The following UTRN variants were observed in gnomAD, a reference collection of about 807,000 sequenced individuals.
UTRN encodes the protein utrophin, also known as dystrophin-related protein 1.
A neutral mutation model predicts 463.9 loss-of-function variants in UTRN; 283 were observed. The observed-to-expected ratio is 0.61, with a 90% CI of 0.55 to 0.67. The LOEUF (loss-of-function observed/expected upper bound fraction) is 0.67, where lower values mean the gene tolerates loss of function less well. Ranked by LOEUF, UTRN falls within the 30% of genes least tolerant of loss-of-function variation. UTRN has a pLI of 0.00. For missense variants in UTRN, 3,922 were observed against 4,084.3 expected, an observed-to-expected ratio of 0.96 and a Z score of 1.08; for synonymous variants, 1,442 against 1,431.5, an observed-to-expected ratio of 1.01 and a Z score of -0.17.
intron 2 of UTRN, among the ~76,000 whole-genome samples, chr6:144,376,067 G>A (rs1298896039): frequency 6.6e-6 from 1 of 152,094 alleles, no homozygotes; most frequent in Non-Finnish European, 1.5e-5. Context: ...GCTTCCTGCA[G>A]TCTTGAACTC....
chr6:144,490,040 A>G, intron 30 of UTRN, 31 bp from the exon 31 acceptor site: 1 of 1,589,144 alleles, frequency 6.3e-7, no homozygotes, highest in Non-Finnish European at 8.5e-7. Flanking sequence ...AAAAAAAAGG[A>G]CATCCTCTCC....
intron 50 of UTRN, among the ~76,000 whole-genome samples, chr6:144,568,873 GC>G (rs1442405834): frequency 4.6e-5 from 7 of 152,212 alleles, no homozygotes; most frequent in African/African-American, 1.7e-4. Context: ...TTTACCCCAA[GC>G]CATACAGCTA....
intron 50 of UTRN, among the ~76,000 whole-genome samples, chr6:144,562,839 A>G (rs145458293): frequency 1.7e-3 from 265 of 152,154 alleles, no homozygotes; most frequent in African/African-American, 5.9e-3. Flanking sequence ...AAGCCTTCCT[A>G]TTTCTCCACA....
At chr6:144,301,860 C>T (rs995455832) in intron 2 of UTRN, among the ~76,000 whole-genome samples, 4 of 152,000 alleles carry the variant, frequency 2.6e-5, no homozygotes, top group Non-Finnish European at 4.4e-5. Flanking sequence ...ACAGCACTGC[C>T]CCACCCTCCC....
chr6:144,381,773 A>C lies in UTRN; in HGVS notation c.80-21350A>C, dbSNP rs150587389. ...CCATGATTGTGAGGCTTCCCCAGCC[A>C]CATGGAACTGTAAGTCCATTAAATC... On this transcript the variant is annotated intron_variant, in intron 2 of 74. Transcript: ENST00000367545. Among the ~76,000 whole-genome samples, 459 of 152,378 alleles carry C rather than the reference A, an allele frequency of 3.0e-3. 2 individuals carry two copies. Among genetic ancestry groups the C allele is most frequent in the African/African-American group, 0.011 (448 of 41,594 alleles).
chr6:144,488,947 T>G, intron 30 of UTRN, 113 bp downstream of exon 30: 1 of 1,059,622 alleles, frequency 9.4e-7, no homozygotes, highest in Non-Finnish European at 1.3e-6. Flanking sequence ...ATGGGAAAGA[T>G]TGACCTTACT....
chr6:144,627,389 T>C (rs1168037317), intron 51 of UTRN, among the ~76,000 whole-genome samples: 1 of 152,240 alleles, frequency 6.6e-6, no homozygotes, highest in Non-Finnish European at 1.5e-5. Flanking sequence ...ATAACCCTTA[T>C]CTTTCTGTCT....
intron 2 of UTRN, among the ~76,000 whole-genome samples, chr6:144,377,820 G>C (rs1027327538): frequency 6.6e-6 from 1 of 152,090 alleles, no homozygotes; most frequent in African/African-American, 2.4e-5. Flanking sequence ...GTATTTCTTG[G>C]TTCTTCCATC....
chr6:144,776,304 A>G (rs1303851634), intron 60 of UTRN, among the ~76,000 whole-genome samples: 1 of 152,196 alleles, frequency 6.6e-6, no homozygotes, highest in Non-Finnish European at 1.5e-5. Flanking sequence ...TGCCTGTAAT[A>G]GCAGGTTCTC....
chr6:144,539,948 C>T (rs1797847472), intron 45 of UTRN, among the ~76,000 whole-genome samples: 1 of 150,802 alleles, frequency 6.6e-6, no homozygotes, highest in African/African-American at 2.4e-5. Context: ...GAGGCCGAGG[C>T]ACGAGAATTG....
intron 2 of UTRN, among the ~76,000 whole-genome samples, chr6:144,335,467 T>A (rs948616425): frequency 6.6e-5 from 10 of 152,370 alleles, no homozygotes; most frequent in African/African-American, 2.4e-4. Context: ...AGCCTCTGAC[T>A]TCTCCTTTCC....
At chr6:144,788,526 T>G (rs1028568719) in intron 61 of UTRN, among the ~76,000 whole-genome samples, 1 of 152,088 alleles carries the variant, frequency 6.6e-6, no homozygotes, top group African/African-American at 2.4e-5. Flanking sequence ...TTTTGAATCT[T>G]GCATCTACAA....
At chr6:144,354,037 T>C (rs1223470797) in intron 2 of UTRN, among the ~76,000 whole-genome samples, 1 of 152,006 alleles carries the variant, frequency 6.6e-6, no homozygotes, top group African/African-American at 2.4e-5. Context: ...AACCACTGCA[T>C]ATGCCTTGCA....
intron 5 of UTRN, 129 bp downstream of exon 5, chr6:144,423,755 A>G (rs770002710): frequency 4.5e-5 from 52 of 1,158,546 alleles, no homozygotes; most frequent in Non-Finnish European, 6.1e-5. Flanking sequence ...AGAAATACTG[A>G]ACTTTTTCTG....
chr6:144,403,297 C>G, intron 3 of UTRN, 113 bp downstream of exon 3: 1 of 857,122 alleles, frequency 1.2e-6, no homozygotes, highest in South Asian at 1.5e-5. Flanking sequence ...CCGAAGTCTT[C>G]TGAGTATGCA....
intron 2 of UTRN, among the ~76,000 whole-genome samples, chr6:144,324,468 A>G (rs1775854638): frequency 1.3e-5 from 2 of 152,238 alleles, no homozygotes; most frequent in Admixed American, 6.5e-5. Context: ...TAAAGAGAAT[A>G]ATTAACTGAC....
chr6:144,337,296 A>G (rs900604343), intron 2 of UTRN, among the ~76,000 whole-genome samples: 3 of 151,722 alleles, frequency 2.0e-5, no homozygotes, highest in Admixed American at 6.6e-5. Flanking sequence ...TACTCCTTCT[A>G]TCTCCTGGTA....
chr6:144,490,624 C>T (rs1179825610), intron 31 of UTRN, among the ~76,000 whole-genome samples: 1 of 152,150 alleles, frequency 6.6e-6, no homozygotes, highest in East Asian at 1.9e-4. Flanking sequence ...GGTTCCTGAA[C>T]TATCTTTTTG....
intron 52 of UTRN, among the ~76,000 whole-genome samples, chr6:144,682,630 T>C (rs1782318702): frequency 6.6e-6 from 1 of 152,204 alleles, no homozygotes; most frequent in African/African-American, 2.4e-5. Flanking sequence ...TTTCTCCACA[T>C]GCTAGACAGC....
Sources: allele counts gnomAD v4.1 joint callset (sites outside exome capture counted in the v4.1 genomes callset), GRCh38; gene constraint gnomAD v4.1.1; transcripts MANE v1.5; gene names NCBI Gene and HGNC (gene_info 2026-07-23, HGNC 2026-07-21).